RYR1: variants seen among roughly 807,000 people sequenced by gnomAD.
RYR1 encodes ryanodine receptor 1, also known as central core disease of muscle.
In RYR1, 342 loss-of-function variants were observed where a neutral mutation model predicts 583.5. The observed-to-expected ratio is 0.59, with a 90% CI of 0.54 to 0.64. The LOEUF is 0.64. Ranked by LOEUF, RYR1 falls within the 30% of genes least tolerant of loss-of-function variation. The probability of loss-of-function intolerance (pLI) is 0.00; values close to 1 mark genes in which losing one functional copy is unlikely to be tolerated. For missense variants in RYR1, 6,032 were observed against 6,917.2 expected, an observed-to-expected ratio of 0.87 and a Z score of 4.54; for synonymous variants, 2,791 against 2,822.5, an observed-to-expected ratio of 0.99 and a Z score of 0.35.
At chr19:38,577,376 A>G (rs1568601056) in intron 97 of RYR1, among the ~76,000 whole-genome samples, 1 of 152,224 alleles carries the variant, frequency 6.6e-6, no homozygotes, top group African/African-American at 2.4e-5. Flanking sequence ...AGCACCTATT[A>G]TGTGCCAGGA....
chr19:38,446,421 C>G (rs1206594924), intron 7 of RYR1, 51 bp from the exon 8 acceptor site: 1 of 1,402,302 alleles, frequency 7.1e-7, no homozygotes, highest in Non-Finnish European at 1.0e-6. Flanking sequence ...GGCTCCTGGT[C>G]TTCCTGGGGC....
rs112151058 is a variant in RYR1, at chr19:38,517,541, G to A, written c.9868G>A (p.Glu3290Lys). The A allele has an allele frequency of 7.4e-6, 12 of 1,613,722 alleles. No homozygotes were observed. Among genetic ancestry groups the A allele is most frequent in the African/African-American group, 1.3e-5 (1 of 74,888 alleles). ...YLPRWWERGP[E>K]APPSALPAGA... Reference sequence around the variant, plus strand: ...GCCCCGATGGTGGGAGCGCGGGCCCGAGGCACCCCCTTCCGCCCTGCCCGC... The same window carrying A: ...GCCCCGATGGTGGGAGCGCGGGCCCAAGGCACCCCCTTCCGCCCTGCCCGC... The change falls in exon 66 of 106, where the codon GAG (glutamate) becomes AAG (lysine). Residue 3290 changes from glutamate (E) to lysine (K), a missense_variant. Glu to Lys is a moderately conservative substitution (Grantham distance 56). Around this residue, in one of 11 missense-constraint regions of RYR1, gnomAD observed 1,493 missense variants for 1,715.5 expected, o/e 0.87. Transcript: ENST00000359596.
Position 38,502,915 on chromosome 19 carries a change from G to C in RYR1, c.7871G>C (p.Arg2624Pro). The change falls in exon 49 of 106, where the codon CGC becomes CCC. Residue 2624 changes from arginine (R) to proline (P), a missense_variant. Around this residue, in one of 11 missense-constraint regions of RYR1, gnomAD observed 250 missense variants for 162.3 expected, o/e 1.54. Coordinates refer to ENST00000359596, the MANE Select transcript of RYR1 (RefSeq NM_000540.3). Reference sequence around the variant, plus strand: ...CCGTCGATGCTGCAGCACCTGTTGCGCCGCCTGGTGTTCGACGTGCCCATC... The same window carrying C: ...CCGTCGATGCTGCAGCACCTGTTGCCCCGCCTGGTGTTCGACGTGCCCATC... ...IRPSMLQHLL[R>P]RLVFDVPILN... is the part of the protein sequence containing the mutation. 1 of 1,611,738 alleles carries C rather than the reference G, an allele frequency of 6.2e-7. No individual in the cohort carries two copies. Among genetic ancestry groups the C allele is most frequent in the Non-Finnish European group, 8.5e-7 (1 of 1,179,960 alleles).
intron 37 of RYR1, among the ~76,000 whole-genome samples, chr19:38,491,967 C>T (rs886338181): frequency 7.9e-5 from 12 of 152,108 alleles, no homozygotes; most frequent in Admixed American, 7.2e-4. Flanking sequence ...TTTAATTCTT[C>T]AGACATGGTT....
intron 88 of RYR1, among the ~76,000 whole-genome samples, chr19:38,547,410 A>T (rs1180390904): frequency 6.6e-6 from 1 of 151,986 alleles, no homozygotes; most frequent in Non-Finnish European, 1.5e-5. Context: ...TGCTGCCTTT[A>T]GAGGGAGTGT....
rs1969849876 is a variant in RYR1 at position 38,496,791 on chromosome 19, AG to A, written c.6797-66del. 1 of 1,458,310 alleles carries A rather than the reference AG, an allele frequency of 6.9e-7. No individual in the cohort carries two copies. Among genetic ancestry groups the A allele is most frequent in the East Asian group, 2.3e-5 (1 of 44,116 alleles). 90.3% of individuals were successfully genotyped at this position (1,458,310 alleles called of 1,614,324 possible). A position where few individuals can be genotyped will look rare whatever the true frequency, so the allele number is the denominator to read the frequency against. On this transcript the variant is annotated intron_variant, in intron 41 of 105. Coordinates refer to ENST00000359596, the MANE Select transcript of RYR1 (RefSeq NM_000540.3). The surrounding 1 kb of genome is among the most constrained non-coding windows in gnomAD (Gnocchi z 4.8). ...GATCCAGGCTGGAAAAAGGGTGGTC[AG>A]GGAGGGCTTCCCAGAGGAGGCGAGA...
At chr19:38,584,068 G>C (rs535732391) in intron 101 of RYR1, among the ~76,000 whole-genome samples, 1 of 151,946 alleles carries the variant, frequency 6.6e-6, no homozygotes, top group Non-Finnish European at 1.5e-5. Context: ...GCCTCCTTTA[G>C]GTTTCAGCTC....
chr19:38,498,519 A>G (rs535928656), intron 42 of RYR1, among the ~76,000 whole-genome samples: 1 of 152,344 alleles, frequency 6.6e-6, no homozygotes, highest in Admixed American at 6.5e-5. Context: ...AAGTGAAAGC[A>G]AGTTTATTAG....
chr19:38,490,310 G>A (rs780599752), intron 36 of RYR1, 34 bp downstream of exon 36: 2 of 1,592,124 alleles, frequency 1.3e-6, no homozygotes, highest in East Asian at 2.3e-5. Context: ...CACTTTTACT[G>A]TCTAAACCCC....
chr19:38,579,906 G>A (rs368445624), intron 99 of RYR1, 76 bp from the exon 100 acceptor site: 35 of 1,601,114 alleles, frequency 2.2e-5, no homozygotes, highest in Middle Eastern at 1.7e-4. Context: ...GCTGACTCTC[G>A]AGTGGCCCCT....
intron 76 of RYR1, 137 bp from the exon 77 acceptor site, chr19:38,532,353 T>G: frequency 1.2e-6 from 1 of 835,654 alleles, no homozygotes; most frequent in South Asian, 1.4e-5. Flanking sequence ...AGACTCCTGA[T>G]CTCAAGTGAT....
chr19:38,455,161 C>T, intron 13 of RYR1, 74 bp from the exon 14 acceptor site: 11 of 1,545,728 alleles, frequency 7.1e-6, no homozygotes, highest in Admixed American at 3.3e-5. Flanking sequence ...AATATGAATT[C>T]GTGAATCCAA....
chr19:38,583,149 T>G (rs953022854), intron 101 of RYR1, among the ~76,000 whole-genome samples: 1 of 151,706 alleles, frequency 6.6e-6, no homozygotes, highest in Non-Finnish European at 1.5e-5. Flanking sequence ...ATACAAAAAT[T>G]AGTGGGATGT....
Position 38,553,913 on chromosome 19 carries a change from T to C in RYR1, c.12282+5493T>C, listed in dbSNP as rs114416812. ...TATAGGAAGTGTCGTCATTCTTTTT[T>C]ACAGGTGTCCAATATTCCACGCTGT... On this transcript the variant is annotated intron_variant, in intron 89 of 105. Coordinates refer to ENST00000359596, the MANE Select transcript of RYR1 (RefSeq NM_000540.3). Among the ~76,000 whole-genome samples, 915 of 152,378 alleles carry C rather than the reference T, an allele frequency of 6.0e-3. 6 individuals carry two copies. The highest frequency in any genetic ancestry group is 0.021 in the African/African-American group (894 of 41,588).
At position 38,446,707 on chromosome 19, in the gene RYR1, G is replaced by A. The variant is rs1204636873; in HGVS notation, c.739G>A (p.Glu247Lys). The change falls in exon 9 of 106, where the codon GAG becomes AAG. Residue 247 changes from glutamate to lysine, a missense_variant. Physicochemically the swap from Glu to Lys is moderately conservative, Grantham distance 56. Around this residue, in one of 11 missense-constraint regions of RYR1, gnomAD observed 338 missense variants for 441.6 expected, o/e 0.77. Coordinates refer to ENST00000359596, the MANE Select transcript of RYR1 (RefSeq NM_000540.3). ...SDDQRRLVYYEGGAVCTHARS... is the reference protein window; with the variant it reads ...SDDQRRLVYYKGGAVCTHARS... ...CTGTGTCCCCAGACTTGTCTACTAT[G>A]AGGGGGGAGCTGTGTGCACTCATGC... is the stretch of plus-strand genomic sequence containing the variant. The A allele has an allele frequency of 6.2e-7, 1 of 1,613,998 alleles. No individual in the cohort carries two copies. Among genetic ancestry groups the A allele is most frequent in the Non-Finnish European group, 8.5e-7 (1 of 1,179,912 alleles).
At chr19:38,552,391 C>T (rs942627903) in intron 89 of RYR1, among the ~76,000 whole-genome samples, 5 of 151,962 alleles carry the variant, frequency 3.3e-5, no homozygotes, top group African/African-American at 1.2e-4. Flanking sequence ...AGTAGCTGGA[C>T]TACAGGCATG....
rs375159951 is a variant in RYR1 at position 38,505,048 on chromosome 19, G to A, written c.8277G>A (p.Ala2759=). The change falls in exon 52 of 106, where the codon GCG becomes GCA. Residue 2759 remains alanine (A), a synonymous_variant. Coordinates refer to ENST00000359596, the MANE Select transcript of RYR1 (RefSeq NM_000540.3). The part of the protein sequence containing the change: ...EKLDSFINKF[A]EYTHEKWAFD... The stretch of plus-strand genomic sequence containing the variant: ...TGGACTCCTTCATTAACAAGTTTGC[G>A]GAGTACACACACGAGAAGTGGGCCT... 3.1e-5 allele frequency: 50 copies of A among 1,613,980 alleles called. No homozygotes were observed. The highest frequency in any genetic ancestry group is 4.0e-5 in the African/African-American group (3 of 74,888).
At position 38,504,337 on chromosome 19, in the gene RYR1, A is replaced by G. The variant is rs1015817190; in HGVS notation, c.8044A>G (p.Ile2682Val). 5 of 1,614,072 alleles carry G rather than the reference A, an allele frequency of 3.1e-6. No homozygotes were observed. Among genetic ancestry groups the G allele is most frequent in the Non-Finnish European group, 4.2e-6 (5 of 1,180,036 alleles). The change falls in exon 50 of 106, where the codon ATC (isoleucine) becomes GTC (valine). Residue 2682 changes from isoleucine to valine, a missense_variant. Ile to Val is a conservative substitution (Grantham distance 29). Transcript: ENST00000359596. ...CCTCACACGGAAACTCTTCTGGGGC[A>G]TCTTTGACTCTCTGGCCCATAAGGT... ...LHLTRKLFWG[I>V]FDSLAHKKYD...
chr19:38,522,000 G>A (rs1244668404), intron 67 of RYR1, among the ~76,000 whole-genome samples: 2 of 151,962 alleles, frequency 1.3e-5, no homozygotes, highest in African/African-American at 4.8e-5. Flanking sequence ...GAGCCACTGC[G>A]CCCAGCTGAA....
Sources: allele counts gnomAD v4.1 joint callset (sites outside exome capture counted in the v4.1 genomes callset), GRCh38; gene constraint gnomAD v4.1.1; regional missense constraint gnomAD v4.1.1; non-coding constraint Gnocchi (gnomAD v3.1); transcripts MANE v1.5; gene names NCBI Gene and HGNC (gene_info 2026-07-23, HGNC 2026-07-21).